Variants in HS2ST1 observed in about 807,000 individuals in gnomAD.
HS2ST1 encodes the protein 2-O-sulfotransferase.
HS2ST1 carries 18 observed loss-of-function variants against 42.9 expected under a neutral mutation model. That is an observed-to-expected ratio of 0.42 (90% CI 0.29 to 0.62). The LOEUF (loss-of-function observed/expected upper bound fraction) is 0.62, where lower values mean the gene tolerates loss of function less well. Among genes scored for constraint, HS2ST1 ranks in the 20% least tolerant of loss-of-function variants. HS2ST1 has a pLI of 0.21. For synonymous variants in HS2ST1, 146 were observed against 152.9 expected (o/e 0.95, Z 0.33); for missense variants, 334 against 433.8 (o/e 0.77, Z 2.04).
At chr1:86,963,753 C>T (rs569761293) in intron 1 of HS2ST1, among the ~76,000 whole-genome samples, 6 of 145,882 alleles carry the variant, frequency 4.1e-5, no homozygotes, top group Admixed American at 2.0e-4. Context: ...CGCCCCCCCC[C>T]CCACCTCCCG....
intron 1 of HS2ST1, among the ~76,000 whole-genome samples, chr1:87,016,939 A>G (rs1057160381): frequency 6.6e-6 from 1 of 151,814 alleles, no homozygotes; most frequent in Admixed American, 6.6e-5. Context: ...TGGTTGTTAC[A>G]TATGATATGT....
intron 1 of HS2ST1, among the ~76,000 whole-genome samples, chr1:87,011,227 T>A (rs1038732000): frequency 2.0e-5 from 3 of 152,168 alleles, no homozygotes; most frequent in African/African-American, 7.2e-5. Context: ...ATAATTCCTT[T>A]TACTTTTTAC....
At chr1:87,068,155 G>T (rs1651302198) in intron 1 of HS2ST1, among the ~76,000 whole-genome samples, 1 of 152,120 alleles carries the variant, frequency 6.6e-6, no homozygotes, top group African/African-American at 2.4e-5. Flanking sequence ...ATTACCTTGG[G>T]CAGTATGGCC....
At chr1:86,957,574 A>G (rs764530356) in intron 1 of HS2ST1, among the ~76,000 whole-genome samples, 2 of 152,198 alleles carry the variant, frequency 1.3e-5, no homozygotes, top group Non-Finnish European at 2.9e-5. Flanking sequence ...TCTAGAGGAA[A>G]TAGAACTGCT....
intron 4 of HS2ST1, among the ~76,000 whole-genome samples, chr1:87,092,932 G>A (rs74557151): frequency 0.021 from 3,133 of 151,990 alleles, 97 homozygotes; most frequent in African/African-American, 0.064. Flanking sequence ...ACAATTTTCT[G>A]TGCGATTATT....
chr1:87,072,369 C>T (rs906875507), intron 1 of HS2ST1, among the ~76,000 whole-genome samples: 1 of 152,086 alleles, frequency 6.6e-6, no homozygotes. Flanking sequence ...TAATCACTGT[C>T]CTGCTACATT....
At chr1:86,993,022 C>T (rs1173042819) in intron 1 of HS2ST1, 1 of 1,550,812 alleles carries the variant, frequency 6.4e-7, no homozygotes, top group Non-Finnish European at 8.7e-7. Flanking sequence ...GGGGAGGGTA[C>T]CTCTCACAGA....
intron 3 of HS2ST1, among the ~76,000 whole-genome samples, chr1:87,091,723 T>C (rs1283610715): frequency 6.6e-6 from 1 of 151,946 alleles, no homozygotes; most frequent in Admixed American, 6.6e-5. Context: ...TGAAGAATAA[T>C]GGAAAAGTAA....
intron 1 of HS2ST1, chr1:87,046,327 A>G: frequency 1.4e-6 from 1 of 739,024 alleles, no homozygotes; most frequent in Non-Finnish European, 2.5e-6. Flanking sequence ...ACACCTTCAG[A>G]ACCTATACAT....
intron 4 of HS2ST1, among the ~76,000 whole-genome samples, chr1:87,095,867 A>T (rs1284476246): frequency 6.6e-6 from 1 of 152,030 alleles, no homozygotes; most frequent in Non-Finnish European, 1.5e-5. Context: ...TTTAATGCAC[A>T]TAACTATTTC....
At chr1:87,026,630 C>T (rs1650092524) in intron 1 of HS2ST1, among the ~76,000 whole-genome samples, 1 of 152,044 alleles carries the variant, frequency 6.6e-6, no homozygotes, top group Non-Finnish European at 1.5e-5. Context: ...TTCCTTTCAT[C>T]TCATTAGTTA....
intron 1 of HS2ST1, among the ~76,000 whole-genome samples, chr1:87,049,621 G>T (rs1343477408): frequency 6.6e-6 from 1 of 151,966 alleles, no homozygotes; most frequent in African/African-American, 2.4e-5. Flanking sequence ...TTTAGTCAGA[G>T]AATATATTTT....
At chr1:87,047,748 CAATT>C (rs1335234707) in intron 1 of HS2ST1, among the ~76,000 whole-genome samples, 1 of 152,096 alleles carries the variant, frequency 6.6e-6, no homozygotes, top group Non-Finnish European at 1.5e-5. Flanking sequence ...TTTCTAAAAT[CAATT>C]GATCATATTT....
intron 1 of HS2ST1, among the ~76,000 whole-genome samples, chr1:87,006,761 GATTA>G (rs1649449472): frequency 6.6e-6 from 1 of 152,022 alleles, no homozygotes; most frequent in South Asian, 2.1e-4. Flanking sequence ...AACATGCTAT[GATTA>G]ATCTAAAATT....
intron 1 of HS2ST1, among the ~76,000 whole-genome samples, chr1:86,999,156 T>C (rs879943783): frequency 2.6e-5 from 4 of 152,144 alleles, no homozygotes; most frequent in Non-Finnish European, 5.9e-5. Flanking sequence ...TCTGTTCTTT[T>C]TGGAAACAAT....
intron 1 of HS2ST1, among the ~76,000 whole-genome samples, chr1:86,920,786 T>C (rs1660276263): frequency 6.6e-6 from 1 of 152,228 alleles, no homozygotes; most frequent in South Asian, 2.1e-4. Flanking sequence ...TTACGTATTC[T>C]GCCTTTCTGC....
chr1:86,979,615 A>C (rs1316152133), intron 1 of HS2ST1, among the ~76,000 whole-genome samples: 1 of 152,224 alleles, frequency 6.6e-6, no homozygotes, highest in Non-Finnish European at 1.5e-5. Flanking sequence ...ATTCACGGAC[A>C]CTTGGATTGC....
intron 1 of HS2ST1, among the ~76,000 whole-genome samples, chr1:86,983,763 C>T (rs1648669530): frequency 6.6e-6 from 1 of 151,712 alleles, no homozygotes; most frequent in Non-Finnish European, 1.5e-5. Context: ...TTTGGCAAGG[C>T]AAGGCACGGT....
chr1:87,044,271 G>A (rs940453348), intron 1 of HS2ST1, among the ~76,000 whole-genome samples: 3 of 151,892 alleles, frequency 2.0e-5, no homozygotes, highest in Admixed American at 2.0e-4. Flanking sequence ...ATTTAATTTT[G>A]TAACAAGAAT....
Sources: allele counts gnomAD v4.1 joint callset (sites outside exome capture counted in the v4.1 genomes callset), GRCh38; gene constraint gnomAD v4.1.1; transcripts MANE v1.5; gene names NCBI Gene and HGNC (gene_info 2026-07-23, HGNC 2026-07-21).